Variants in NDRG2 observed in about 807,000 individuals in gnomAD.
NDRG2 encodes the protein protein NDRG2.
A neutral mutation model predicts 58.2 loss-of-function variants in NDRG2; 34 were observed. The ratio of observed to expected loss-of-function variants is 0.58; its 90% CI spans 0.44 to 0.78. NDRG2 has a LOEUF of 0.78. Ranked by LOEUF, NDRG2 falls within the 30% of genes least tolerant of loss-of-function variation. NDRG2 has a pLI of 0.00. For missense variants in NDRG2, 434 were observed against 471.2 expected, an observed-to-expected ratio of 0.92 and a Z score of 0.73; for synonymous variants, 187 against 175.9, an observed-to-expected ratio of 1.06 and a Z score of -0.50.
intron 6 of NDRG2, 168 bp downstream of exon 6, chr14:21,021,649 C>T (rs1188570138): frequency 3.8e-6 from 3 of 786,344 alleles, no homozygotes; most frequent in Non-Finnish European, 6.1e-6. Flanking sequence ...GCCAATTTTC[C>T]AAACCCACCA....
At chr14:21,030,561 C>T, upstream of NDRG2, 1 of 1,611,132 alleles carries the variant, frequency 6.2e-7, no homozygotes, top group Non-Finnish European at 8.5e-7. Context: ...CACGACTGCC[C>T]TCCCCGACCT....
chr14:21,036,767 C>T (rs1884654176), intron 1 of NDRG2, among the ~76,000 whole-genome samples: 2 of 152,256 alleles, frequency 1.3e-5, no homozygotes, highest in African/African-American at 4.8e-5. Flanking sequence ...CATAGAAAGA[C>T]TCAACCCAGA....
rs1165619001 is a variant in NDRG2, at chr14:21,017,039, CTCCCAT to C, written c.*551_*556del. 1 of 455,042 alleles carries C rather than the reference CTCCCAT, an allele frequency of 2.2e-6. No homozygotes were observed. The highest frequency in any genetic ancestry group is 4.4e-6 in the Non-Finnish European group (1 of 225,710). 28.2% of individuals were successfully genotyped at this position (455,042 alleles called of 1,614,324 possible). Reference sequence around the variant, plus strand: ...CCCACACTCGTTCACTGCCCGCCAACTCCCATTCCAACTTCCTTTTTACACTGGATG... The same window carrying C: ...CCCACACTCGTTCACTGCCCGCCAACTCCAACTTCCTTTTTACACTGGATG... On this transcript the variant is annotated 3_prime_UTR_variant, in exon 16 of 16. Transcript: ENST00000556147.
upstream of NDRG2, among the ~76,000 whole-genome samples, chr14:21,026,485 C>G (rs1479974427): frequency 6.6e-6 from 1 of 150,630 alleles, no homozygotes; most frequent in African/African-American, 2.5e-5. Flanking sequence ...TTCCCTGCCC[C>G]CTCCTGCCTG....
At chr14:21,043,333 G>A (rs1280876563) in intron 1 of NDRG2, 1 of 1,614,180 alleles carries the variant, frequency 6.2e-7, no homozygotes, top group Admixed American at 1.7e-5. Flanking sequence ...CTCACCTCAG[G>A]GAAGCATCCG....
rs933111829 is a variant in NDRG2 at position 21,022,757 on chromosome 14, GA to G, written c.117+106del. The G allele has an allele frequency of 2.5e-5, 28 of 1,117,452 alleles. No homozygotes were observed. The Admixed American group carries it at 5.8e-4, about 23-fold the overall frequency. 69.2% of individuals were successfully genotyped at this position (1,117,452 alleles called of 1,614,324 possible). A position where few individuals can be genotyped will look rare whatever the true frequency, so the allele number is the denominator to read the frequency against. On this transcript the variant is annotated intron_variant, in intron 3 of 15. Coordinates refer to ENST00000556147, the MANE Select transcript of NDRG2 (RefSeq NM_001320329.2). ...ATAGGGAAGGGAAAGGACTAGAATAGAAGGAAAGAAAGCAAAGAGAGAAGAG... is the reference window on the plus strand; with the variant it reads ...ATAGGGAAGGGAAAGGACTAGAATAGAGGAAAGAAAGCAAAGAGAGAAGAG...
At chr14:21,052,140 A>G (rs1306625696) in intron 1 of NDRG2, among the ~76,000 whole-genome samples, 1 of 152,250 alleles carries the variant, frequency 6.6e-6, no homozygotes, top group Non-Finnish European at 1.5e-5. Flanking sequence ...TGTGTTATAA[A>G]TAGTAAGAAG....
intron 1 of NDRG2, among the ~76,000 whole-genome samples, chr14:21,059,400 A>G (rs1885833496): frequency 6.6e-6 from 1 of 152,168 alleles, no homozygotes; most frequent in South Asian, 2.1e-4. Flanking sequence ...ACTATAGAAA[A>G]TACAAGCTCA....
At chr14:21,067,389 G>A (rs1244636851) in intron 1 of NDRG2, among the ~76,000 whole-genome samples, 1 of 152,156 alleles carries the variant, frequency 6.6e-6, no homozygotes, top group African/African-American at 2.4e-5. Context: ...TTTGGTGGCA[G>A]AAATGGTGAT....
At chr14:21,058,310 G>A in intron 1 of NDRG2, 1 of 1,613,754 alleles carries the variant, frequency 6.2e-7, no homozygotes, top group Non-Finnish European at 8.5e-7. Flanking sequence ...ACAACAGGGT[G>A]ACCCAGGGTA....
chr14:21,021,298 G>A, intron 6 of NDRG2: 1 of 361,750 alleles, frequency 2.8e-6, no homozygotes. Context: ...GCAAAGTGGT[G>A]AACCAGAGCT....
chr14:21,055,479 T>A (rs1885634339), intron 1 of NDRG2, among the ~76,000 whole-genome samples: 1 of 152,160 alleles, frequency 6.6e-6, no homozygotes, highest in South Asian at 2.1e-4. Flanking sequence ...GCTTAATGGA[T>A]AAAACAGCCC....
At chr14:21,027,048 G>A (rs761644042), upstream of NDRG2, among the ~76,000 whole-genome samples, 1 of 152,136 alleles carries the variant, frequency 6.6e-6, no homozygotes, top group Non-Finnish European at 1.5e-5. Context: ...TTCGTCTCTG[G>A]GTCAGGATGA....
At chr14:21,060,792 T>C (rs1436223131) in intron 1 of NDRG2, among the ~76,000 whole-genome samples, 1 of 152,184 alleles carries the variant, frequency 6.6e-6, no homozygotes, top group Non-Finnish European at 1.5e-5. Context: ...TCATACTCGA[T>C]CATTCAAAGT....
chr14:21,037,092 C>A (rs1373367863), intron 1 of NDRG2, among the ~76,000 whole-genome samples: 1 of 147,338 alleles, frequency 6.8e-6, no homozygotes, highest in Non-Finnish European at 1.5e-5. Context: ...TTCCTTCATT[C>A]CCCAGCCACC....
chr14:21,058,082 T>A, intron 1 of NDRG2: 1 of 1,614,096 alleles, frequency 6.2e-7, no homozygotes, highest in Non-Finnish European at 8.5e-7. Flanking sequence ...CACAGAACGG[T>A]GCAAAGACCT....
chr14:21,023,434 G>T, intron 1 of NDRG2, 113 bp from the exon 2 acceptor site: 3 of 897,546 alleles, frequency 3.3e-6, no homozygotes, highest in Non-Finnish European at 5.3e-6. Context: ...GGGACCCAGG[G>T]GTTGAAGACT....
intron 14 of NDRG2, 74 bp downstream of exon 14, chr14:21,018,130 T>A: frequency 6.2e-7 from 1 of 1,603,810 alleles, no homozygotes; most frequent in Non-Finnish European, 8.5e-7. Context: ...GCCGGGTGTG[T>A]GGCAAAGGGC....
Position 21,024,742 on chromosome 14 carries a change from C to T in NDRG2, c.-719G>A, listed in dbSNP as rs1365143878. ...GAGGAGACCGGCCGGGCCCAGCACC[C>T]GGAACCCGTCCCTACGAGTCCCTAC... On this transcript the variant is annotated 5_prime_UTR_variant, in exon 1 of 16. Coordinates refer to ENST00000556147, the MANE Select transcript of NDRG2 (RefSeq NM_001320329.2). 6 of 985,396 alleles carry T rather than the reference C, an allele frequency of 6.1e-6. No homozygotes were observed. Among genetic ancestry groups the T allele is most frequent in the Non-Finnish European group, 7.2e-6 (6 of 830,018 alleles). 61.0% of individuals were successfully genotyped at this position (985,396 alleles called of 1,614,324 possible). A position where few individuals can be genotyped will look rare whatever the true frequency, so the allele number is the denominator to read the frequency against.
Sources: gnomAD v4.1 joint callset for allele counts (sites outside exome capture counted in the v4.1 genomes callset) on GRCh38, gnomAD v4.1.1 for gene constraint, MANE v1.5 for transcripts, NCBI Gene and HGNC (gene_info 2026-07-23, HGNC 2026-07-21) for gene names.